The following MIS18A variants were observed in gnomAD, a reference collection of about 807,000 sequenced individuals.
The protein encoded by MIS18A is protein Mis18-alpha.
A neutral mutation model predicts 25.0 loss-of-function variants in MIS18A; 14 were observed. That is an observed-to-expected ratio of 0.56 (90% CI 0.37 to 0.88). The LOEUF is 0.88. Among genes scored for constraint, MIS18A ranks in the 40% least tolerant of loss-of-function variants. MIS18A has a pLI of 0.00. For missense variants in MIS18A, 292 were observed against 290.8 expected (o/e 1.00, Z -0.03); for synonymous variants, 134 against 118.6 (o/e 1.13, Z -0.84).
the MIS18A span, among the ~76,000 whole-genome samples, chr21:32,227,982 TC>T: frequency 1.3e-5 from 2 of 152,164 alleles, no homozygotes; most frequent in African/African-American, 4.8e-5. Context: ...TTTGATAAAA[TC>T]AACATCCTTT....
chr21:32,207,680 T>C, the MIS18A span, among the ~76,000 whole-genome samples: 1 of 152,148 alleles, frequency 6.6e-6, no homozygotes, highest in Non-Finnish European at 1.5e-5. Flanking sequence ...TTTCTTCTTT[T>C]CTTTTTCTTT....
the MIS18A span, among the ~76,000 whole-genome samples, chr21:32,214,771 G>A: frequency 6.6e-6 from 1 of 152,192 alleles, no homozygotes; most frequent in South Asian, 2.1e-4. Context: ...TGAGGGACAG[G>A]ATACCTGCAG....
the MIS18A span, among the ~76,000 whole-genome samples, chr21:32,164,356 G>GT: frequency 6.6e-6 from 1 of 152,146 alleles, no homozygotes; most frequent in Non-Finnish European, 1.5e-5. Context: ...AATTACCGGC[G>GT]TGAGAGTACT....
chr21:32,204,493 T>G, the MIS18A span, among the ~76,000 whole-genome samples: 1 of 141,042 alleles, frequency 7.1e-6, no homozygotes, highest in East Asian at 2.2e-4. Flanking sequence ...TGAGATTCCA[T>G]CTCAGAAAAA....
chr21:32,193,386 G>A, the MIS18A span, among the ~76,000 whole-genome samples: 135 of 152,278 alleles, frequency 8.9e-4, 1 homozygote, highest in Middle Eastern at 3.4e-3. Flanking sequence ...ACAGAAACTC[G>A]CACGTTTCAG....
Position 32,268,953 on chromosome 21 carries a change from T to TTTG in MIS18A, c.*83_*84insCAA. 1 of 954,446 alleles carries TTTG rather than the reference T, an allele frequency of 1.0e-6. No homozygotes were observed. Among genetic ancestry groups the TTTG allele is most frequent in the Non-Finnish European group, 1.5e-6 (1 of 646,170 alleles). 59.1% of individuals were successfully genotyped at this position (954,446 alleles called of 1,614,324 possible). ...AATTTTTTTTTTCTTTTTTTTTTTG[T>TTTG]AGAGACGACGTCTCACTATGTTGCT... On this transcript the variant is annotated 3_prime_UTR_variant, in exon 5 of 5. Coordinates refer to ENST00000290130, the MANE Select transcript of MIS18A (RefSeq NM_018944.3).
At chr21:32,193,990 A>G in the MIS18A span, among the ~76,000 whole-genome samples, 1 of 152,112 alleles carries the variant, frequency 6.6e-6, no homozygotes, top group Admixed American at 6.5e-5. Flanking sequence ...CCCCCTTGCC[A>G]GCTGATAACC....
In MIS18A at chr21:32,276,801, A is replaced by G. The variant is rs188047463; in HGVS notation, c.334+1880T>C. ...AAAGATTAGCCAGGTGTTAGTGTGTATCTGTAGTCCCAAGCTACTTGGGAA... is the reference window on the plus strand; with the variant it reads ...AAAGATTAGCCAGGTGTTAGTGTGTGTCTGTAGTCCCAAGCTACTTGGGAA... On this transcript the variant is annotated intron_variant, in intron 1 of 4. Transcript: ENST00000290130. Among the ~76,000 whole-genome samples the G allele has an allele frequency of 1.4e-4, 22 of 152,196 alleles. 2 individuals are homozygous for G. The highest frequency in any genetic ancestry group is 4.6e-4 in the Admixed American group (7 of 15,278).
At chr21:32,192,031 CAG>C in the MIS18A span, among the ~76,000 whole-genome samples, 7 of 152,298 alleles carry the variant, frequency 4.6e-5, no homozygotes, top group African/African-American at 1.7e-4. Context: ...TGTTTGGAGA[CAG>C]AGTAGAATAA....
chr21:32,185,865 C>T, the MIS18A span, among the ~76,000 whole-genome samples: 11 of 152,232 alleles, frequency 7.2e-5, no homozygotes, highest in Middle Eastern at 3.4e-3. Flanking sequence ...AACCATGCAC[C>T]GCCACATCGT....
chr21:32,187,133 C>A, the MIS18A span, among the ~76,000 whole-genome samples: 4 of 152,110 alleles, frequency 2.6e-5, no homozygotes, highest in South Asian at 2.1e-4. Context: ...CATTTGGTAT[C>A]TAAAGGGAAG....
the MIS18A span, among the ~76,000 whole-genome samples, chr21:32,247,144 T>A: frequency 6.6e-6 from 1 of 152,278 alleles, no homozygotes; most frequent in Admixed American, 6.5e-5. Context: ...AATCATGGGA[T>A]CATTGGGCCC....
At chr21:32,237,008 T>C in the MIS18A span, among the ~76,000 whole-genome samples, 7 of 152,144 alleles carry the variant, frequency 4.6e-5, no homozygotes, top group African/African-American at 1.7e-4. Context: ...CATTGGATTG[T>C]ATTACTGTTC....
the MIS18A span, among the ~76,000 whole-genome samples, chr21:32,174,174 G>C: frequency 2.0e-5 from 3 of 151,356 alleles, no homozygotes; most frequent in African/African-American, 7.3e-5. Context: ...CATGTTGGTC[G>C]GGCTCATCTC....
chr21:32,179,261 G>A, the MIS18A span, among the ~76,000 whole-genome samples: 4 of 152,024 alleles, frequency 2.6e-5, no homozygotes, highest in Admixed American at 6.6e-5. Flanking sequence ...TACTCAAAGC[G>A]AAGGCCAAGA....
At chr21:32,270,330 G>GCACA in intron 3 of MIS18A, 77 bp downstream of exon 3, 1 of 1,503,968 alleles carries the variant, frequency 6.6e-7, no homozygotes, top group Non-Finnish European at 9.1e-7. Flanking sequence ...AAACAGTATT[G>GCACA]ATTTAGTTCT....
At chr21:32,278,517 A>G in intron 1 of MIS18A, 164 bp downstream of exon 1, 1 of 709,156 alleles carries the variant, frequency 1.4e-6, no homozygotes, top group Non-Finnish European at 2.2e-6. Context: ...TGGAGGGGTG[A>G]CCCTCCTCCC....
At chr21:32,169,868 T>TA in the MIS18A span, among the ~76,000 whole-genome samples, 1 of 151,604 alleles carries the variant, frequency 6.6e-6, no homozygotes, top group Non-Finnish European at 1.5e-5. Context: ...ACAACAACAA[T>TA]AAAAAACAAC....
chr21:32,242,160 G>A, the MIS18A span, among the ~76,000 whole-genome samples: 40 of 152,246 alleles, frequency 2.6e-4, 1 homozygote, highest in African/African-American at 8.9e-4. Context: ...GATTACAGGC[G>A]CGAGCCATCG....
Sources: allele counts gnomAD v4.1 joint callset (sites outside exome capture counted in the v4.1 genomes callset), GRCh38; gene constraint gnomAD v4.1.1; transcripts MANE v1.5; gene names NCBI Gene and HGNC (gene_info 2026-07-23, HGNC 2026-07-21).